Variants in UBA1 observed in about 807,000 individuals in gnomAD.
The protein encoded by UBA1 is ubiquitin like modifier activating enzyme 1.
A neutral mutation model predicts 84.7 loss-of-function variants in UBA1; 4 were observed. That is an observed-to-expected ratio of 0.05 (90% CI 0.02 to 0.11). UBA1 has a LOEUF of 0.11. Ranked by LOEUF, UBA1 falls within the 10% of genes least tolerant of loss-of-function variation. The pLI is 1.00. For missense variants in UBA1, 513 were observed against 902.8 expected (o/e 0.57, Z 5.53); for synonymous variants, 364 against 362.6 (o/e 1.00, Z -0.04).
At chrX:47,213,318 T>C in intron 23 of UBA1, 137 bp downstream of exon 23, 1 of 651,390 alleles carries the variant, frequency 1.5e-6, no homozygotes, top group Non-Finnish European at 2.3e-6. Context: ...TTTTCACTTA[T>C]TCATTAATCA....
At chrX:47,199,135 G>A (rs782079211) in intron 3 of UBA1, 29 bp downstream of exon 3, 6 of 1,211,182 alleles carry the variant, frequency 5.0e-6, no homozygotes, top group South Asian at 3.5e-5. Flanking sequence ...GGGCTGAGGG[G>A]TGTGGAATGG....
Position 47,194,294 on chromosome X carries a change from C to A in UBA1, c.-1+270C>A, listed in dbSNP as rs782709579. 1.8e-4 allele frequency among the ~76,000 whole-genome samples: 20 copies of A among 112,272 alleles called. No homozygotes were observed. In the East Asian group the frequency reaches 2.5e-3, roughly 14 times the overall value. ...CACGCCCAACATCTCTAGTCTGGGA[C>A]CTGACTCCGTCCCGAACCTTGTATC... On this transcript the variant is annotated intron_variant, in intron 1 of 25. Transcript: ENST00000335972.
Position 47,210,069 on chromosome X carries a change from C to T in UBA1, c.2145C>T (p.His715=), listed in dbSNP as rs1556792906. The T allele has an allele frequency of 6.6e-6, 8 of 1,212,126 alleles. No individual in the cohort carries two copies. The highest frequency in any genetic ancestry group is 3.0e-5 in the East Asian group (1 of 33,848). The change falls in exon 18 of 26, where the codon CAC becomes CAT. Residue 715 remains histidine, a synonymous_variant. Coordinates refer to ENST00000335972, the MANE Select transcript of UBA1 (RefSeq NM_003334.4). ...DCVTWACHHW[H]TQYSNNIRQL... is the part of the protein sequence containing the mutation. ...TGACCTGGGCCTGCCACCACTGGCA[C>T]ACCCAGTACTCGAACAACATCCGGC...
chrX:47,201,009 C>T lies in UBA1; in HGVS notation c.587+9C>T. On this transcript the variant is annotated intron_variant, in intron 6 of 25. Coordinates refer to ENST00000335972, the MANE Select transcript of UBA1 (RefSeq NM_003334.4). ...ACGCGGGGCCTGTTTGGGTGAGTGGCAGCCCACCTCCCTCCCTGTCCCCTT... is the reference window on the plus strand; with the variant it reads ...ACGCGGGGCCTGTTTGGGTGAGTGGTAGCCCACCTCCCTCCCTGTCCCCTT... The T allele has an allele frequency of 8.6e-7, 1 of 1,167,216 alleles. No homozygotes were observed. Among genetic ancestry groups the T allele is most frequent in the Non-Finnish European group, 1.2e-6 (1 of 864,582 alleles).
chrX:47,201,154 A>G, intron 6 of UBA1, 122 bp from the exon 7 acceptor site: 1 of 806,493 alleles, frequency 1.2e-6, no homozygotes, highest in Admixed American at 2.6e-5. Flanking sequence ...CACAAGTACC[A>G]TCTTACATCC....
intron 20 of UBA1, 141 bp from the exon 21 acceptor site, chrX:47,212,283 C>A: frequency 2.0e-6 from 1 of 493,887 alleles, no homozygotes; most frequent in Non-Finnish European, 3.7e-6. Flanking sequence ...CTCCTCCTTG[C>A]CCCTTTTCTC....
chrX:47,209,150 C>T (rs1556792464), intron 16 of UBA1: 2 of 274,179 alleles, frequency 7.3e-6, no homozygotes, highest in African/African-American at 5.5e-5. Context: ...CTGCCCAAAT[C>T]AACTTCATTG....
chrX:47,203,707 T>C lies in UBA1; in HGVS notation c.1575+11T>C, dbSNP rs1569211143. On this transcript the variant is annotated intron_variant, in intron 14 of 25. Transcript: ENST00000335972. ...CCCTGGGATGTCACGGTGAGTAGGGTAGGAGGTTGGGGCTTTGTCGTCTCA... is the reference window on the plus strand; with the variant it reads ...CCCTGGGATGTCACGGTGAGTAGGGCAGGAGGTTGGGGCTTTGTCGTCTCA... 3.3e-6 allele frequency: 4 copies of C among 1,203,489 alleles called. No individual in the cohort carries two copies. Among genetic ancestry groups the C allele is most frequent in the Non-Finnish European group, 4.5e-6 (4 of 892,295 alleles).
chrX:47,191,529 C>G (rs1936062738), upstream of UBA1: 1 of 111,639 alleles, frequency 9.0e-6, no homozygotes, highest in Admixed American at 9.5e-5. Flanking sequence ...CCTGAGCTGA[C>G]GAGGCGCCAC....
At chrX:47,193,507 G>A (rs187810562), upstream of UBA1, among the ~76,000 whole-genome samples, 80 of 112,223 alleles carry the variant, frequency 7.1e-4, no homozygotes, top group African/African-American at 2.4e-3. Context: ...GTTGCTGGTT[G>A]TTAGTCTACC....
rs1240198989 is a variant in UBA1, at chrX:47,193,914, A to G, written c.-111A>G. On this transcript the variant is annotated 5_prime_UTR_variant, in exon 1 of 26. Coordinates refer to ENST00000335972, the MANE Select transcript of UBA1 (RefSeq NM_003334.4). ...GGGGGAGGAGAAGGCGGCAGCGGCG[A>G]TTCTAGGCGGCCCAGGCGGCGGGGA... 1 of 112,284 alleles carries G rather than the reference A, an allele frequency of 8.9e-6. No homozygotes were observed. Among genetic ancestry groups the G allele is most frequent in the Non-Finnish European group, 1.9e-5 (1 of 53,393 alleles). The allele number at this position is 112,284 out of a possible 1,213,427, so 9.3% of individuals were successfully genotyped here.
chrX:47,213,700 T>C (rs1276861879), intron 23 of UBA1, among the ~76,000 whole-genome samples: 1 of 111,457 alleles, frequency 9.0e-6, no homozygotes, highest in African/African-American at 3.3e-5. Context: ...ACCCTGTCTC[T>C]ACTAAAAATA....
Position 47,203,520 on chromosome X carries a change from GTCT to G in UBA1, c.1420-16_1420-14del, listed in dbSNP as rs1556789354. The G allele has an allele frequency of 1.7e-6, 2 of 1,211,298 alleles. No homozygotes were observed. The highest frequency in any genetic ancestry group is 2.2e-6 in the Non-Finnish European group (2 of 895,309). On this transcript the variant is annotated intron_variant, in intron 13 of 25. Transcript: ENST00000335972. ...GCATCACCCTGACCAGCCTCTGCCT[GTCT>G]TCTTGGTTGCTTCTTAGGTGGGTGC...
chrX:47,197,499 T>C (rs1556785866), intron 1 of UBA1: 2 of 752,896 alleles, frequency 2.7e-6, no homozygotes, highest in Non-Finnish European at 3.1e-6. Context: ...GTGGGAGGAC[T>C]TGTGTGAACA....
chrX:47,199,545 G>T lies in UBA1; in HGVS notation c.411G>T (p.Glu137Asp). Residue 137 changes from glutamate to aspartate, a missense_variant, in exon 5 of 26, where the codon GAG (glutamate) becomes GAT (aspartate). Physicochemically the swap from Glu to Asp is conservative, Grantham distance 45. Transcript: ENST00000335972. ...RAEVSQPRLA[E>D]LNSYVPVTAY... ...AGGTATCACAGCCCCGCCTCGCTGA[G>T]CTCAACAGCTATGTGCCTGTCACTG... 8.3e-7 allele frequency: 1 copy of T among 1,211,830 alleles called. No individual in the cohort carries two copies. Among genetic ancestry groups the T allele is most frequent in the Non-Finnish European group, 1.1e-6 (1 of 895,430 alleles).
chrX:47,206,199 G>A (rs782309527), intron 15 of UBA1, 49 bp from the exon 16 acceptor site: 2 of 1,181,189 alleles, frequency 1.7e-6, no homozygotes, highest in Non-Finnish European at 2.3e-6. Flanking sequence ...CCGTCTTTCT[G>A]TCCTCTCCTG....
chrX:47,204,625 T>TA (rs1434598682), intron 14 of UBA1, among the ~76,000 whole-genome samples: 1 of 111,579 alleles, frequency 9.0e-6, no homozygotes, highest in East Asian at 2.8e-4. Context: ...GAACCACTGA[T>TA]ACCAGGTAGG....
In UBA1 at chrX:47,213,329, C is replaced by T. The variant is rs1464609807; in HGVS notation, c.2838+148C>T. ...TCCTTTTTCACTTATTCATTAATCACATTATTTGAGTACGTGCGAAAAGAT... is the reference window on the plus strand; with the variant it reads ...TCCTTTTTCACTTATTCATTAATCATATTATTTGAGTACGTGCGAAAAGAT... On this transcript the variant is annotated intron_variant, in intron 23 of 25. Transcript: ENST00000335972. The T allele has an allele frequency of 6.5e-6, 4 of 620,059 alleles. No individual in the cohort carries two copies. The African/African-American group carries it at 6.8e-5, about 11-fold the overall frequency. The allele number at this position is 620,059 out of a possible 1,213,427, so 51.1% of individuals were successfully genotyped here.
rs1556792933 is a variant in UBA1, at chrX:47,210,100, C to T, written c.2176C>T (p.Leu726=). Residue 726 remains leucine (L), a synonymous_variant, in exon 18 of 26, where the codon CTG becomes TTG. Coordinates refer to ENST00000335972, the MANE Select transcript of UBA1 (RefSeq NM_003334.4). The part of the protein sequence containing the change: ...TQYSNNIRQL[L]HNFPPDQLTS... ...GTACTCGAACAACATCCGGCAGCTG[C>T]TGCACAACTTCCCTCCTGACCAGGT... 8.2e-7 allele frequency: 1 copy of T among 1,212,180 alleles called. No homozygotes were observed. The highest frequency in any genetic ancestry group is 2.2e-5 in the Admixed American group (1 of 46,113).
Sources: allele counts gnomAD v4.1 joint callset (sites outside exome capture counted in the v4.1 genomes callset), GRCh38; gene constraint gnomAD v4.1.1; transcripts MANE v1.5; gene names NCBI Gene and HGNC (gene_info 2026-07-23, HGNC 2026-07-21).